The following SLIT1 variants were observed in gnomAD, a reference collection of about 807,000 sequenced individuals.
SLIT1 encodes slit homolog 1 protein.
Under a neutral mutation model 186.1 loss-of-function variants are expected in SLIT1, and 66 were observed. The ratio of observed to expected loss-of-function variants is 0.35; its 90% CI spans 0.29 to 0.44. SLIT1 has a LOEUF of 0.44. SLIT1 is among the 20% of genes least tolerant of loss of function. SLIT1 has a pLI of 1.00. For missense variants in SLIT1, 1,638 were observed against 2,037.4 expected, an observed-to-expected ratio of 0.80 and a Z score of 3.77; for synonymous variants, 761 against 833.8, an observed-to-expected ratio of 0.91 and a Z score of 1.50.
At chr10:97,118,946 G>A (rs1028007956) in intron 4 of SLIT1, among the ~76,000 whole-genome samples, 3 of 152,214 alleles carry the variant, frequency 2.0e-5, no homozygotes, top group Non-Finnish European at 2.9e-5. Flanking sequence ...ATGGCTTGGA[G>A]AGAAACGGAA....
At chr10:97,097,087 C>T (rs1033377911) in intron 4 of SLIT1, among the ~76,000 whole-genome samples, 1 of 152,142 alleles carries the variant, frequency 6.6e-6, no homozygotes, top group Non-Finnish European at 1.5e-5. Context: ...ACCCTGCCTC[C>T]GGGCTCCTCA....
chr10:97,146,546 G>A (rs1463416452), intron 4 of SLIT1, among the ~76,000 whole-genome samples: 1 of 151,484 alleles, frequency 6.6e-6, no homozygotes, highest in East Asian at 2.0e-4. Context: ...TACCCACACA[G>A]AGAGGTACCC....
chr10:97,024,069 A>C (rs960828583), intron 25 of SLIT1, among the ~76,000 whole-genome samples: 1 of 152,234 alleles, frequency 6.6e-6, no homozygotes, highest in Admixed American at 6.5e-5. Context: ...AAGTTCATTG[A>C]TATCAACATT....
rs1308576583 is a variant in SLIT1, at chr10:97,157,879, G to A, written c.352C>T (p.Arg118Ter). Residue 118 changes from arginine to a stop codon, truncating the protein, a stop_gained, in exon 4 of 37, where the codon CGA becomes TGA. Coordinates refer to ENST00000266058, the MANE Select transcript of SLIT1 (RefSeq NM_003061.3). LOFTEE classifies it high-confidence loss of function. ...MKELERLRLNRNQLHMLPELL... is the reference protein window; with the variant it reads ...MKELERLRLN ...TCCGGTAACATGTGCAGCTGGTTTC[G>A]GTTCAGTCGCCTATAAAAGAGAAGA... 1.9e-6 allele frequency: 3 copies of A among 1,613,340 alleles called. No homozygotes were observed. Among genetic ancestry groups the A allele is most frequent in the Non-Finnish European group, 2.5e-6 (3 of 1,179,370 alleles).
chr10:97,025,802 G>A (rs187096942), intron 25 of SLIT1, among the ~76,000 whole-genome samples: 5 of 152,306 alleles, frequency 3.3e-5, no homozygotes, highest in African/African-American at 7.2e-5. Context: ...TCCTATTTGC[G>A]TAACCTGGAC....
intron 4 of SLIT1, among the ~76,000 whole-genome samples, chr10:97,088,329 C>T (rs1849189785): frequency 6.6e-6 from 1 of 152,212 alleles, no homozygotes; most frequent in African/African-American, 2.4e-5. Context: ...CCCTTTCTCA[C>T]AGTATTTCCA....
At position 97,006,947 on chromosome 10, in the gene SLIT1, T is replaced by C. The variant is rs1848364644; in HGVS notation, c.3342-227A>G. On this transcript the variant is annotated intron_variant, in intron 31 of 36. Coordinates refer to ENST00000266058, the MANE Select transcript of SLIT1 (RefSeq NM_003061.3). The surrounding 1 kb of genome is among the most constrained non-coding windows in gnomAD (Gnocchi z 4.0). Reference sequence around the variant, plus strand: ...GCGTCAACATTACCTGGACACTTGATAGAAATGGCAAACCCACTGAATCTG... The same window carrying C: ...GCGTCAACATTACCTGGACACTTGACAGAAATGGCAAACCCACTGAATCTG... Among the ~76,000 whole-genome samples, 1 of 152,206 alleles carries C rather than the reference T, an allele frequency of 6.6e-6. No homozygotes were observed. The highest frequency in any genetic ancestry group is 2.4e-5 in the African/African-American group (1 of 41,456).
At chr10:97,034,053 T>C (rs1848615645) in intron 23 of SLIT1, among the ~76,000 whole-genome samples, 1 of 151,984 alleles carries the variant, frequency 6.6e-6, no homozygotes, top group Non-Finnish European at 1.5e-5. Flanking sequence ...TTGGTAGACA[T>C]GGGGTTTCAC....
chr10:97,086,295 T>C (rs905527969), intron 4 of SLIT1, among the ~76,000 whole-genome samples: 1 of 152,124 alleles, frequency 6.6e-6, no homozygotes, highest in African/African-American at 2.4e-5. Context: ...GCTGGCCGGA[T>C]GAGGTGGCTC....
intron 4 of SLIT1, among the ~76,000 whole-genome samples, chr10:97,142,338 T>G (rs1849774861): frequency 6.6e-6 from 1 of 152,118 alleles, no homozygotes; most frequent in Non-Finnish European, 1.5e-5. Flanking sequence ...TGCAAGTATA[T>G]GTGGACAAGG....
At position 97,001,033 on chromosome 10, in the gene SLIT1, C is replaced by T. The variant is rs2134583066; in HGVS notation, c.*79G>A. 1.7e-6 allele frequency: 2 copies of T among 1,198,240 alleles called. No individual in the cohort carries two copies. The highest frequency in any genetic ancestry group is 2.4e-6 in the Non-Finnish European group (2 of 826,424). The allele number at this position is 1,198,240 out of a possible 1,614,324, so 74.2% of individuals were successfully genotyped here. ...GTCCTGTGATGACCTGCACCCCAGC[C>T]CAGCTGCTGGCGACTGTCTCCGCTG... On this transcript the variant is annotated 3_prime_UTR_variant, in exon 37 of 37. Transcript: ENST00000266058.
At chr10:97,053,279 C>G (rs1654480674) in intron 13 of SLIT1, among the ~76,000 whole-genome samples, 1 of 152,230 alleles carries the variant, frequency 6.6e-6, no homozygotes, top group African/African-American at 2.4e-5. Flanking sequence ...CTCAGACATT[C>G]TGCCAGCTGC....
chr10:97,069,599 A>G (rs535932477), intron 4 of SLIT1, among the ~76,000 whole-genome samples: 1 of 152,350 alleles, frequency 6.6e-6, no homozygotes, highest in Non-Finnish European at 1.5e-5. Flanking sequence ...GTGATCTCTG[A>G]CCGGATCTTA....
At position 97,003,915 on chromosome 10, in the gene SLIT1, T is replaced by C. The variant is rs190345444; in HGVS notation, c.3865+153A>G. 9.0e-4 allele frequency among the ~76,000 whole-genome samples: 137 copies of C among 152,296 alleles called. 1 individual carries two copies. In the Middle Eastern group the frequency reaches 0.02, roughly 23 times the overall value. On this transcript the variant is annotated intron_variant, in intron 34 of 36. Transcript: ENST00000266058. Reference sequence around the variant, plus strand: ...TGGGCTAGGCAGAGAGCAGCTGGGCTCCAGGCAGCGAGGCCAGTCCACCTG... The same window carrying C: ...TGGGCTAGGCAGAGAGCAGCTGGGCCCCAGGCAGCGAGGCCAGTCCACCTG...
intron 4 of SLIT1, among the ~76,000 whole-genome samples, chr10:97,090,101 C>T (rs2805603): frequency 0.57 from 86,488 of 152,032 alleles, 25,949 homozygotes; most frequent in East Asian, 0.82. Flanking sequence ...GGCCGGACCA[C>T]GGGCTTAGGC....
chr10:97,185,825 G>T lies in SLIT1; in HGVS notation c.-151C>A. 1 of 621,424 alleles carries T rather than the reference G, an allele frequency of 1.6e-6. No individual in the cohort carries two copies. Among genetic ancestry groups the T allele is most frequent in the Non-Finnish European group, 2.5e-6 (1 of 397,582 alleles). 38.5% of individuals were successfully genotyped at this position (621,424 alleles called of 1,614,324 possible). ...GCCCCTGCGGGCTGGGAGGCACCTTGCTCCTCCAAGCGACGGCGCCTGTGC... is the reference window on the plus strand; with the variant it reads ...GCCCCTGCGGGCTGGGAGGCACCTTTCTCCTCCAAGCGACGGCGCCTGTGC... On this transcript the variant is annotated 5_prime_UTR_variant, in exon 1 of 37. Transcript: ENST00000266058.
chr10:97,086,278 G>A lies in SLIT1; in HGVS notation c.414-20192C>T, dbSNP rs551594039. ...ATGGAATATTATTCAGTGATAAAAA[G>A]AAATGAGCTGGCCGGATGAGGTGGC... On this transcript the variant is annotated intron_variant, in intron 4 of 36. Transcript: ENST00000266058. 4.0e-3 allele frequency among the ~76,000 whole-genome samples: 604 copies of A among 152,266 alleles called. 3 individuals are homozygous for A. The highest frequency in any genetic ancestry group is 0.011 in the African/African-American group (468 of 41,566).
At chr10:97,160,327 GAA>G (rs1156732278) in intron 3 of SLIT1, among the ~76,000 whole-genome samples, 1 of 152,182 alleles carries the variant, frequency 6.6e-6, no homozygotes, top group East Asian at 1.9e-4. Context: ...AATGCTAGTG[GAA>G]AAAGAGTCAT....
At chr10:97,164,667 C>A in intron 2 of SLIT1, 152 bp downstream of exon 2, 1 of 660,368 alleles carries the variant, frequency 1.5e-6, no homozygotes, top group Non-Finnish European at 2.7e-6. Context: ...CAACATCACC[C>A]CACCCGACAC....
Sources: gnomAD v4.1 joint callset for allele counts (sites outside exome capture counted in the v4.1 genomes callset) on GRCh38, gnomAD v4.1.1 for gene constraint, Gnocchi (gnomAD v3.1) non-coding constraint, MANE v1.5 for transcripts, NCBI Gene and HGNC (gene_info 2026-07-23, HGNC 2026-07-21) for gene names.